The following SPAG16 variants were observed in gnomAD, a reference collection of about 807,000 sequenced individuals.
SPAG16 encodes sperm associated antigen 16.
In SPAG16, 86 loss-of-function variants were observed where a neutral mutation model predicts 80.4. The observed-to-expected ratio is 1.07, with a 90% CI of 0.90 to 1.28. The LOEUF (loss-of-function observed/expected upper bound fraction) is 1.28, where lower values mean the gene tolerates loss of function less well. Among genes scored for constraint, SPAG16 ranks in the 50% most tolerant of loss-of-function variants. SPAG16 has a pLI of 0.00. For synonymous variants in SPAG16, 294 were observed against 265.9 expected (o/e 1.11, Z -1.03); for missense variants, 870 against 765.3 (o/e 1.14, Z -1.61).
chr2:213,552,885 G>A (rs1012252401), intron 10 of SPAG16, among the ~76,000 whole-genome samples: 1 of 152,156 alleles, frequency 6.6e-6, no homozygotes, highest in Non-Finnish European at 1.5e-5. Context: ...GATGCTTCTT[G>A]CCCTCAAATG....
chr2:213,667,277 TAGGAAATTCAGG>T (rs1288784607), intron 10 of SPAG16, among the ~76,000 whole-genome samples: 2 of 152,184 alleles, frequency 1.3e-5, no homozygotes, highest in African/African-American at 4.8e-5. Flanking sequence ...AATAGATCAC[TAGGAAATTCAGG>T]AGGGGAAATT....
At chr2:213,820,220 G>T (rs562955067) in intron 10 of SPAG16, among the ~76,000 whole-genome samples, 10 of 151,980 alleles carry the variant, frequency 6.6e-5, no homozygotes, top group African/African-American at 2.2e-4. Context: ...GATTCCTGGC[G>T]CATGGCACCA....
chr2:213,967,935 T>C (rs1180163604), intron 12 of SPAG16, among the ~76,000 whole-genome samples: 2 of 152,242 alleles, frequency 1.3e-5, no homozygotes, highest in Admixed American at 6.5e-5. Flanking sequence ...ATATCAGTGA[T>C]TGATATATTT....
chr2:213,760,131 C>G (rs2068574391), intron 10 of SPAG16, among the ~76,000 whole-genome samples: 1 of 151,904 alleles, frequency 6.6e-6, no homozygotes, highest in South Asian at 2.1e-4. Context: ...ATGAGCTAAT[C>G]AAAAGACTGG....
chr2:213,577,202 A>G (rs971462249), intron 10 of SPAG16, among the ~76,000 whole-genome samples: 4 of 152,120 alleles, frequency 2.6e-5, no homozygotes, highest in Non-Finnish European at 4.4e-5. Context: ...GAAAAAGGGA[A>G]TTAAATTTAA....
intron 11 of SPAG16, among the ~76,000 whole-genome samples, chr2:213,912,779 C>T (rs894099662): frequency 1.3e-5 from 2 of 152,070 alleles, no homozygotes; most frequent in Admixed American, 6.6e-5. Flanking sequence ...AATTCTACCC[C>T]GACTACCACA....
chr2:214,013,883 A>G lies in SPAG16; in HGVS notation c.1401-68A>G, dbSNP rs558160174. The G allele has an allele frequency of 1.2e-4, 179 of 1,456,564 alleles. No individual in the cohort carries two copies. The African/African-American group carries it at 2.1e-3, about 17-fold the overall frequency. The allele number at this position is 1,456,564 out of a possible 1,614,324, so 90.2% of individuals were successfully genotyped here. On this transcript the variant is annotated intron_variant, in intron 12 of 15. Transcript: ENST00000331683. ...ATTTCATGCCTCAGTTCCTTAAATT[A>G]TTTTTATTAGCATTGTATAGACAGC...
chr2:214,120,520 C>T (rs1268836398), intron 14 of SPAG16, among the ~76,000 whole-genome samples: 6 of 151,694 alleles, frequency 4.0e-5, no homozygotes, highest in Non-Finnish European at 1.5e-5. Context: ...TTCCTAGAAA[C>T]CTGCACTAGC....
chr2:213,685,477 T>C (rs1574806208), intron 10 of SPAG16, among the ~76,000 whole-genome samples: 1 of 152,368 alleles, frequency 6.6e-6, no homozygotes, highest in South Asian at 2.1e-4. Flanking sequence ...TGCTAACACC[T>C]TGAGTTTGGC....
At chr2:214,197,404 T>C (rs1203039050) in intron 15 of SPAG16, among the ~76,000 whole-genome samples, 1 of 151,914 alleles carries the variant, frequency 6.6e-6, no homozygotes, top group Non-Finnish European at 1.5e-5. Context: ...AAGTTCACAT[T>C]AAAATAAAAC....
intron 15 of SPAG16, among the ~76,000 whole-genome samples, chr2:214,373,934 T>C (rs937564181): frequency 1.3e-5 from 2 of 152,328 alleles, no homozygotes; most frequent in East Asian, 3.9e-4. Context: ...CTGAACCATG[T>C]TCCAGGGATA....
chr2:213,621,949 A>G (rs989636400), intron 10 of SPAG16, among the ~76,000 whole-genome samples: 2 of 152,138 alleles, frequency 1.3e-5, no homozygotes, highest in Admixed American at 6.5e-5. Flanking sequence ...TCACTTCACA[A>G]TAAGTCTTAG....
intron 10 of SPAG16, among the ~76,000 whole-genome samples, chr2:213,833,514 TATATA>T (rs1559506218): frequency 0.019 from 67 of 3,576 alleles, 30 homozygotes; most frequent in Middle Eastern, 0.14. Flanking sequence ...TTATATATAA[TATATA>T]TAATATATAT....
At chr2:214,245,796 C>T (rs1219831811) in intron 15 of SPAG16, among the ~76,000 whole-genome samples, 1 of 152,054 alleles carries the variant, frequency 6.6e-6, no homozygotes, top group East Asian at 1.9e-4. Flanking sequence ...TTGACATTTG[C>T]ACTGTTTTAT....
intron 11 of SPAG16, among the ~76,000 whole-genome samples, chr2:213,899,354 A>T (rs2077120040): frequency 6.6e-6 from 1 of 152,140 alleles, no homozygotes; most frequent in Non-Finnish European, 1.5e-5. Flanking sequence ...GAAGAAAAAC[A>T]TATCAATAAA....
At chr2:213,526,850 G>A (rs2075903239) in intron 10 of SPAG16, among the ~76,000 whole-genome samples, 1 of 152,168 alleles carries the variant, frequency 6.6e-6, no homozygotes, top group Non-Finnish European at 1.5e-5. Context: ...GAGAATGTGT[G>A]TGGGGTTGTC....
chr2:213,836,363 T>C (rs543267003), intron 10 of SPAG16, among the ~76,000 whole-genome samples: 2 of 152,312 alleles, frequency 1.3e-5, no homozygotes, highest in South Asian at 2.1e-4. Context: ...TGGAAATTTT[T>C]AGTTCTATTG....
At chr2:214,056,314 C>T (rs1230105784) in intron 13 of SPAG16, among the ~76,000 whole-genome samples, 7 of 146,542 alleles carry the variant, frequency 4.8e-5, no homozygotes, top group African/African-American at 1.0e-4. Context: ...CACACACACA[C>T]GCATAGAGAG....
intron 13 of SPAG16, among the ~76,000 whole-genome samples, chr2:214,030,342 A>G (rs2048347194): frequency 6.6e-6 from 1 of 152,146 alleles, no homozygotes; most frequent in Non-Finnish European, 1.5e-5. Flanking sequence ...CATTGTATGT[A>G]TATACCATAT....
Sources: allele counts gnomAD v4.1 joint callset (sites outside exome capture counted in the v4.1 genomes callset), GRCh38; gene constraint gnomAD v4.1.1; transcripts MANE v1.5; gene names NCBI Gene and HGNC (gene_info 2026-07-23, HGNC 2026-07-21).